The following SIM1 variants were observed in gnomAD, a reference collection of about 807,000 sequenced individuals.
The protein encoded by SIM1 is SIM bHLH transcription factor 1.
A neutral mutation model predicts 78.2 loss-of-function variants in SIM1; 18 were observed. The observed-to-expected ratio is 0.23, with a 90% CI of 0.16 to 0.34. The LOEUF (loss-of-function observed/expected upper bound fraction) is 0.34, where lower values mean the gene tolerates loss of function less well. Ranked by LOEUF, SIM1 falls within the 10% of genes least tolerant of loss-of-function variation. The pLI is 1.00. For missense variants in SIM1, 939 were observed against 975.1 expected, an observed-to-expected ratio of 0.96 and a Z score of 0.49; for synonymous variants, 417 against 385.2, an observed-to-expected ratio of 1.08 and a Z score of -0.97.
intron 9 of SIM1, among the ~76,000 whole-genome samples, chr6:100,429,573 CT>C (rs1434233454): frequency 3.4e-4 from 51 of 152,076 alleles, no homozygotes; most frequent in African/African-American, 1.1e-3. Flanking sequence ...AAAATTATCT[CT>C]CTTTGACATG....
intron 3 of SIM1, among the ~76,000 whole-genome samples, chr6:100,453,489 G>T (rs771690931): frequency 7.2e-5 from 11 of 151,998 alleles, no homozygotes; most frequent in Admixed American, 1.3e-4. Flanking sequence ...CCTTGGTTAG[G>T]GGCCTCGTTG....
At chr6:100,423,338 C>A (rs1034540066) in intron 9 of SIM1, among the ~76,000 whole-genome samples, 3 of 152,148 alleles carry the variant, frequency 2.0e-5, no homozygotes, top group African/African-American at 7.2e-5. Context: ...TTCCTGACTG[C>A]TAAAGCTATT....
At chr6:100,421,610 T>C (rs1771589418) in intron 9 of SIM1, among the ~76,000 whole-genome samples, 1 of 152,148 alleles carries the variant, frequency 6.6e-6, no homozygotes, top group Non-Finnish European at 1.5e-5. Context: ...GATTATAATA[T>C]ACTGGGGAGA....
chr6:100,461,841 C>CTTTTTTTT (rs10522700), intron 2 of SIM1, among the ~76,000 whole-genome samples: 31 of 113,330 alleles, frequency 2.7e-4, no homozygotes, highest in African/African-American at 8.2e-4. Context: ...TTCTTTCTTT[C>CTTTTTTTT]TTTTTTTTTT....
At chr6:100,460,839 G>A (rs898590852) in intron 2 of SIM1, among the ~76,000 whole-genome samples, 2 of 152,160 alleles carry the variant, frequency 1.3e-5, no homozygotes, top group Non-Finnish European at 2.9e-5. Flanking sequence ...ATTTTAAAGA[G>A]CTGTGTTTGA....
chr6:100,450,760 G>A (rs566746119), intron 3 of SIM1, among the ~76,000 whole-genome samples: 1 of 150,250 alleles, frequency 6.7e-6, no homozygotes, highest in South Asian at 2.1e-4. Context: ...CACAGCCTAT[G>A]TGTTCTATAA....
chr6:100,412,719 G>GAAAT (rs1380594658), intron 10 of SIM1, among the ~76,000 whole-genome samples: 25 of 130,550 alleles, frequency 1.9e-4, no homozygotes, highest in Non-Finnish European at 3.3e-4. Context: ...AAGAAAGAAA[G>GAAAT]AAAGAAAGAA....
intron 10 of SIM1, 36 bp downstream of exon 10, chr6:100,420,753 CA>C (rs748540070): frequency 8.1e-5 from 130 of 1,595,920 alleles, no homozygotes; most frequent in Middle Eastern, 1.7e-4. Flanking sequence ...ACCATGTCGC[CA>C]AAAAAAAGAA....
Position 100,386,712 on chromosome 6 carries a change from G to A in SIM1, c.*3649C>T, listed in dbSNP as rs912218665. 1.3e-5 allele frequency: 2 copies of A among 152,024 alleles called. No homozygotes were observed. The highest frequency in any genetic ancestry group is 2.9e-5 in the Non-Finnish European group (2 of 67,930). The allele number at this position is 152,024 out of a possible 1,614,324, so 9.4% of individuals were successfully genotyped here. A position where few individuals can be genotyped will look rare whatever the true frequency, so the allele number is the denominator to read the frequency against. ...AGTGAATTAAGAATAGTGCCCGATGGAAACAATCTAGCCCTATGAAATATA... is the reference window on the plus strand; with the variant it reads ...AGTGAATTAAGAATAGTGCCCGATGAAAACAATCTAGCCCTATGAAATATA... On this transcript the variant is annotated 3_prime_UTR_variant, in exon 12 of 12. Transcript: ENST00000369208.
At position 100,425,551 on chromosome 6, in the gene SIM1, A is replaced by G. The variant is rs528324011; in HGVS notation, c.999-4593T>C. 2.6e-5 allele frequency among the ~76,000 whole-genome samples: 4 copies of G among 152,338 alleles called. No individual in the cohort carries two copies. The East Asian group carries it at 5.8e-4, about 22-fold the overall frequency. ...AAAATACCCACTTAAAGCCATTTCA[A>G]ATACGGTTGATGTGCTGCCAAGAGT... On this transcript the variant is annotated intron_variant, in intron 9 of 11. Coordinates refer to ENST00000369208, the MANE Select transcript of SIM1 (RefSeq NM_005068.3).
At chr6:100,433,179 A>G (rs1332843959) in intron 9 of SIM1, among the ~76,000 whole-genome samples, 1 of 152,154 alleles carries the variant, frequency 6.6e-6, no homozygotes, top group Admixed American at 6.5e-5. Context: ...ATCTTTTCTT[A>G]TACAATCAGA....
rs777690871 is a variant in SIM1 at position 100,385,979 on chromosome 6, T to C, written c.*4382A>G. ...GTGTCCATAACTGTTGTCATTCATT[T>C]AAAATTTAGATGATAACGAATGTTT... On this transcript the variant is annotated 3_prime_UTR_variant, in exon 12 of 12. Coordinates refer to ENST00000369208, the MANE Select transcript of SIM1 (RefSeq NM_005068.3). 6.6e-6 allele frequency: 1 copy of C among 152,052 alleles called. No individual in the cohort carries two copies. The highest frequency in any genetic ancestry group is 2.4e-5 in the African/African-American group (1 of 41,430). 9.4% of individuals were successfully genotyped at this position (152,052 alleles called of 1,614,324 possible). A position where few individuals can be genotyped will look rare whatever the true frequency, so the allele number is the denominator to read the frequency against.
chr6:100,413,994 TA>T (rs1771333685), intron 10 of SIM1, among the ~76,000 whole-genome samples: 1 of 152,248 alleles, frequency 6.6e-6, no homozygotes, highest in Non-Finnish European at 1.5e-5. Context: ...GACTTCACTA[TA>T]ACCTATTTGA....
In SIM1 at chr6:100,448,071, A is replaced by T. The variant is rs1220842547; in HGVS notation, c.850+75T>A. On this transcript the variant is annotated intron_variant, in intron 8 of 11. Coordinates refer to ENST00000369208, the MANE Select transcript of SIM1 (RefSeq NM_005068.3). ...CCACCTGTCCTCTTGCGAGGGATTTAAATCGTGGCTCCCCCACCCCCTAAC... is the reference window on the plus strand; with the variant it reads ...CCACCTGTCCTCTTGCGAGGGATTTTAATCGTGGCTCCCCCACCCCCTAAC... 6 of 1,231,306 alleles carry T rather than the reference A, an allele frequency of 4.9e-6. No individual in the cohort carries two copies. The South Asian group carries it at 8.2e-5, about 17-fold the overall frequency. The allele number at this position is 1,231,306 out of a possible 1,614,324, so 76.3% of individuals were successfully genotyped here. A position where few individuals can be genotyped will look rare whatever the true frequency, so the allele number is the denominator to read the frequency against.
chr6:100,417,295 T>C (rs1474097130), intron 10 of SIM1, among the ~76,000 whole-genome samples: 1 of 152,164 alleles, frequency 6.6e-6, no homozygotes, highest in African/African-American at 2.4e-5. Context: ...GTATACACCA[T>C]CTCCTAGACA....
At chr6:100,461,841 CTTTTT>C (rs10522700) in intron 2 of SIM1, among the ~76,000 whole-genome samples, 11 of 113,338 alleles carry the variant, frequency 9.7e-5, no homozygotes, top group South Asian at 5.8e-4. Flanking sequence ...TTCTTTCTTT[CTTTTT>C]TTTTTTTTTT....
At chr6:100,407,363 A>G (rs929080895) in intron 10 of SIM1, among the ~76,000 whole-genome samples, 5 of 152,134 alleles carry the variant, frequency 3.3e-5, no homozygotes, top group Non-Finnish European at 5.9e-5. Context: ...TCATTCATCA[A>G]TGAACATTTA....
intron 10 of SIM1, among the ~76,000 whole-genome samples, chr6:100,418,108 C>T (rs1239329291): frequency 2.0e-5 from 3 of 151,928 alleles, no homozygotes; most frequent in Admixed American, 1.3e-4. Flanking sequence ...GGGAGGCTGA[C>T]GCAGGAGGAT....
intron 10 of SIM1, among the ~76,000 whole-genome samples, chr6:100,399,389 C>A (rs966295844): frequency 1.3e-5 from 2 of 151,850 alleles, no homozygotes; most frequent in African/African-American, 4.8e-5. Context: ...CTTGTAATGA[C>A]AAAATTACAG....
Sources: allele counts gnomAD v4.1 joint callset (sites outside exome capture counted in the v4.1 genomes callset), GRCh38; gene constraint gnomAD v4.1.1; transcripts MANE v1.5; gene names NCBI Gene and HGNC (gene_info 2026-07-23, HGNC 2026-07-21).